Variants in PAX8 observed in about 807,000 individuals in gnomAD.
PAX8 encodes paired box 8.
Under a neutral mutation model 52.4 loss-of-function variants are expected in PAX8, and 15 were observed. The observed-to-expected ratio is 0.29, with a 90% confidence interval of 0.19 to 0.44. PAX8 has a LOEUF of 0.44. PAX8 is among the 20% of genes least tolerant of loss of function. PAX8 has a pLI of 1.00. For missense variants in PAX8, 554 were observed against 602.5 expected, an observed-to-expected ratio of 0.92 and a Z score of 0.84; for synonymous variants, 284 against 249.7, an observed-to-expected ratio of 1.14 and a Z score of -1.29.
chr2:113,250,665 A>G (rs907316662), intron 2 of PAX8: 1 of 152,102 alleles, frequency 6.6e-6, no homozygotes, highest in African/African-American at 2.4e-5. Context: ...AACTCTTCAT[A>G]CTCCTCCAAC....
At chr2:113,264,045 G>C (rs1692883117) in intron 2 of PAX8, among the ~76,000 whole-genome samples, 3 of 152,206 alleles carry the variant, frequency 2.0e-5, no homozygotes, top group Admixed American at 2.0e-4. Flanking sequence ...GATATTGTTT[G>C]GAGCTGTATT....
intron 9 of PAX8, among the ~76,000 whole-genome samples, chr2:113,235,163 G>C (rs996497229): frequency 1.2e-4 from 18 of 152,294 alleles, no homozygotes; most frequent in African/African-American, 4.3e-4. Flanking sequence ...CTTTTCCATG[G>C]GGTCTTGGGG....
intron 2 of PAX8, among the ~76,000 whole-genome samples, chr2:113,265,020 T>C (rs1470073828): frequency 1.3e-5 from 2 of 152,228 alleles, no homozygotes; most frequent in African/African-American, 4.8e-5. Context: ...AAATGGCTTG[T>C]TAATGATTGG....
chr2:113,251,331 G>A (rs973233980), intron 2 of PAX8, among the ~76,000 whole-genome samples: 2 of 152,126 alleles, frequency 1.3e-5, no homozygotes, highest in East Asian at 1.9e-4. Context: ...CTTTGAGGCC[G>A]GAAGCCAAAA....
chr2:113,249,706 C>T (rs535081586), intron 2 of PAX8, among the ~76,000 whole-genome samples: 8 of 152,196 alleles, frequency 5.3e-5, no homozygotes, highest in African/African-American at 1.9e-4. Flanking sequence ...GGTTATTTAC[C>T]GTTATCAGCA....
intron 7 of PAX8, chr2:113,240,191 C>T (rs115719397): frequency 6.6e-6 from 1 of 152,624 alleles, no homozygotes; most frequent in African/African-American, 2.4e-5. Context: ...CCTTTCCTTC[C>T]TGGAGCTGTG....
Position 113,218,439 on chromosome 2 carries a change from T to G in PAX8, c.*94A>C, listed in dbSNP as rs1689099869. The G allele has an allele frequency of 1.5e-6, 1 of 652,962 alleles. No homozygotes were observed. The highest frequency in any genetic ancestry group is 2.9e-5 in the East Asian group (1 of 34,338). The allele number at this position is 652,962 out of a possible 1,614,324, so 40.4% of individuals were successfully genotyped here. A position where few individuals can be genotyped will look rare whatever the true frequency, so the allele number is the denominator to read the frequency against. Reference sequence around the variant, plus strand: ...ATGCTGGACTTGTGGTTATTTTTCATGTAATAAATAAAGATTCCTTTGTGT... The same window carrying G: ...ATGCTGGACTTGTGGTTATTTTTCAGGTAATAAATAAAGATTCCTTTGTGT... On this transcript the variant is annotated 3_prime_UTR_variant, in exon 12 of 12. Coordinates refer to ENST00000429538, the MANE Select transcript of PAX8 (RefSeq NM_003466.4).
At chr2:113,225,967 G>A (rs1056365213) in intron 10 of PAX8, 23 of 984,412 alleles carry the variant, frequency 2.3e-5, no homozygotes, top group South Asian at 1.4e-4. Flanking sequence ...GAGGGAGTCC[G>A]GGGCCAGGAG....
intron 2 of PAX8, chr2:113,268,768 C>T (rs1209054385): frequency 6.6e-6 from 1 of 152,486 alleles, no homozygotes; most frequent in Non-Finnish European, 1.5e-5. Flanking sequence ...CAGCACGTGA[C>T]CAAGTGCTTT....
At chr2:113,234,772 C>A (rs1460357835) in intron 9 of PAX8, among the ~76,000 whole-genome samples, 5 of 152,198 alleles carry the variant, frequency 3.3e-5, no homozygotes, top group Non-Finnish European at 7.3e-5. Flanking sequence ...CCTGCCTCGG[C>A]CTCCCAAACT....
chr2:113,254,793 C>A (rs528287683), intron 2 of PAX8, among the ~76,000 whole-genome samples: 1 of 152,178 alleles, frequency 6.6e-6, no homozygotes, highest in African/African-American at 2.4e-5. Context: ...GAATCCTCTC[C>A]TGGGTCCTTG....
chr2:113,218,394 C>A lies in PAX8; in HGVS notation c.*139G>T. The A allele has an allele frequency of 2.0e-6, 1 of 499,862 alleles. No homozygotes were observed. 31.0% of individuals were successfully genotyped at this position (499,862 alleles called of 1,614,324 possible). ...GTCTTTCATGGTTCATTAAATTAAC[C>A]ACACAGGGAGTGTGCCGCAATGCTG... is the stretch of plus-strand genomic sequence containing the variant. On this transcript the variant is annotated 3_prime_UTR_variant, in exon 12 of 12. Coordinates refer to ENST00000429538, the MANE Select transcript of PAX8 (RefSeq NM_003466.4).
chr2:113,254,026 T>A (rs1449114238), intron 2 of PAX8, among the ~76,000 whole-genome samples: 1 of 152,248 alleles, frequency 6.6e-6, no homozygotes, highest in Non-Finnish European at 1.5e-5. Context: ...TAAATTATAT[T>A]AGGTGTTCAG....
At position 113,235,379 on chromosome 2, in the gene PAX8, A is replaced by G. The variant is rs1307757356; in HGVS notation, c.1087+15T>C. The G allele has an allele frequency of 1.3e-6, 2 of 1,556,872 alleles. No homozygotes were observed. Among genetic ancestry groups the G allele is most frequent in the Non-Finnish European group, 1.7e-6 (2 of 1,150,712 alleles). On this transcript the variant is annotated intron_variant, in intron 9 of 11. Coordinates refer to ENST00000429538, the MANE Select transcript of PAX8 (RefSeq NM_003466.4). ...GCCGCCATAGCTGCATGGCCCCGGG[A>G]CCTCCCTGTCGTACCTGAGAGGAGG...
intron 2 of PAX8, 42 bp from the exon 3 acceptor site, chr2:113,246,961 T>A: frequency 6.3e-7 from 1 of 1,582,290 alleles, no homozygotes; most frequent in Non-Finnish European, 8.6e-7. Flanking sequence ...CAGGGTCAGG[T>A]AGGAGTTTGG....
rs147293224 is a variant in PAX8 at position 113,217,467 on chromosome 2, C to T, written c.*1066G>A. 140 of 229,542 alleles carry T rather than the reference C, an allele frequency of 6.1e-4. No individual in the cohort carries two copies. The Middle Eastern group carries it at 6.6e-3, about 11-fold the overall frequency. 14.2% of individuals were successfully genotyped at this position (229,542 alleles called of 1,614,324 possible). ...CCACAGGGCAAAGAGAGACATTTCA[C>T]TCAGAGGCCAAAGTCTGGGGGTTAG... On this transcript the variant is annotated 3_prime_UTR_variant, in exon 12 of 12. Transcript: ENST00000429538.
At chr2:113,242,193 C>G (rs1015056602) in intron 5 of PAX8, 63 bp from the exon 6 acceptor site, 1 of 1,502,606 alleles carries the variant, frequency 6.7e-7, no homozygotes, top group Non-Finnish European at 9.2e-7. Flanking sequence ...CCCTGGGTGA[C>G]TCTGGGGTAG....
intron 10 of PAX8, chr2:113,225,632 C>G (rs1045889859): frequency 2.0e-5 from 3 of 152,170 alleles, no homozygotes; most frequent in Non-Finnish European, 4.4e-5. Flanking sequence ...TGGAAACAAC[C>G]TGGGGGACTT....
chr2:113,220,257 G>A (rs1305526501), intron 10 of PAX8, 79 bp from the exon 11 acceptor site: 3 of 1,096,220 alleles, frequency 2.7e-6, no homozygotes, highest in Non-Finnish European at 4.2e-6. Context: ...GGTCTGCAGG[G>A]CTGGCAATGG....
Sources: gnomAD v4.1 joint callset for allele counts (sites outside exome capture counted in the v4.1 genomes callset) on GRCh38, gnomAD v4.1.1 for gene constraint, MANE v1.5 for transcripts, NCBI Gene and HGNC (gene_info 2026-07-23, HGNC 2026-07-21) for gene names.